Variants in RAD54L2 observed in about 807,000 individuals in gnomAD.
RAD54L2 encodes the protein RAD54 like 2, also known as helicase ARIP4.
Under a neutral mutation model 138.4 loss-of-function variants are expected in RAD54L2, and 27 were observed. The ratio of observed to expected loss-of-function variants is 0.20; its 90% confidence interval spans 0.14 to 0.27. The LOEUF (loss-of-function observed/expected upper bound fraction) is 0.27. Among genes scored for constraint, RAD54L2 ranks in the 10% least tolerant of loss-of-function variants. The probability of loss-of-function intolerance (pLI) is 1.00; values close to 1 mark genes in which losing one functional copy is unlikely to be tolerated. For synonymous variants in RAD54L2, 644 were observed against 723.2 expected, an observed-to-expected ratio of 0.89 and a Z score of 1.76; for missense variants, 1,396 against 1,890.2, an observed-to-expected ratio of 0.74 and a Z score of 4.85.
At chr3:51,595,350 G>A (rs185782241) in intron 3 of RAD54L2, among the ~76,000 whole-genome samples, 228 of 152,284 alleles carry the variant, frequency 1.5e-3, no homozygotes, top group Admixed American at 3.0e-3. Context: ...GGAGTAAATG[G>A]TCAGACTTGT....
At chr3:51,625,677 A>G (rs1240796124) in intron 3 of RAD54L2, among the ~76,000 whole-genome samples, 1 of 151,800 alleles carries the variant, frequency 6.6e-6, no homozygotes, top group Non-Finnish European at 1.5e-5. Context: ...TGGCCAACAT[A>G]TCGAGACCTT....
intron 2 of RAD54L2, among the ~76,000 whole-genome samples, chr3:51,573,288 G>C (rs1478226829): frequency 6.6e-6 from 1 of 152,062 alleles, no homozygotes; most frequent in African/African-American, 2.4e-5. Flanking sequence ...TTCCTGCTGT[G>C]CTCAGAGGAA....
chr3:51,596,919 C>T (rs111603101), intron 3 of RAD54L2, among the ~76,000 whole-genome samples: 2 of 152,334 alleles, frequency 1.3e-5, no homozygotes, highest in African/African-American at 4.8e-5. Flanking sequence ...AATCCCAACA[C>T]TTTGGGAGGC....
chr3:51,547,545 G>A (rs982916660), intron 2 of RAD54L2, among the ~76,000 whole-genome samples: 7 of 151,010 alleles, frequency 4.6e-5, no homozygotes, highest in Non-Finnish European at 7.4e-5. Flanking sequence ...CATACTTTGC[G>A]TATGTATGAT....
intron 15 of RAD54L2, among the ~76,000 whole-genome samples, chr3:51,643,666 A>G (rs1342516586): frequency 6.6e-6 from 1 of 152,210 alleles, no homozygotes; most frequent in Non-Finnish European, 1.5e-5. Flanking sequence ...TTTATAATCC[A>G]TGGTGCATGT....
chr3:51,611,963 A>G (rs999440855), intron 3 of RAD54L2, among the ~76,000 whole-genome samples: 4 of 152,038 alleles, frequency 2.6e-5, no homozygotes, highest in African/African-American at 7.2e-5. Context: ...CCCATCCTTA[A>G]TGTGTGGTGA....
Position 51,630,758 on chromosome 3 carries a change from A to T in RAD54L2, c.652A>T (p.Ser218Cys). The change falls in exon 7 of 23, where the codon AGT becomes TGT. Residue 218 changes from serine (S) to cysteine (C), a missense_variant. Transcript: ENST00000684192. ...EEDTLHIVDS[S>C]ESVSEDDEEE... is the part of the protein sequence containing the mutation. The stretch of plus-strand genomic sequence containing the variant: ...GGACACTCTGCACATTGTGGACAGC[A>T]GTGAATCTGTCAGTGAAGATGATGA... The T allele has an allele frequency of 6.2e-7, 1 of 1,614,040 alleles. No homozygotes were observed. Among genetic ancestry groups the T allele is most frequent in the Non-Finnish European group, 8.5e-7 (1 of 1,179,874 alleles).
Position 51,645,578 on chromosome 3 carries a change from T to A in RAD54L2, c.2657-13T>A. The stretch of plus-strand genomic sequence containing the variant: ...GCCATGTGCTGACTTTCTTCATGTC[T>A]TTATCCTTCTAGATCGGGTGGTGGA... On this transcript the variant is annotated splice_polypyrimidine_tract_variant and intron_variant, in intron 17 of 22. Transcript: ENST00000684192. The surrounding 1 kb of genome is among the most constrained non-coding windows in gnomAD (Gnocchi z 6.1). The A allele has an allele frequency of 1.9e-6, 3 of 1,601,974 alleles. No individual in the cohort carries two copies. Among genetic ancestry groups the A allele is most frequent in the Non-Finnish European group, 2.6e-6 (3 of 1,174,266 alleles).
At chr3:51,551,545 C>T (rs1698837675) in intron 2 of RAD54L2, among the ~76,000 whole-genome samples, 1 of 151,460 alleles carries the variant, frequency 6.6e-6, no homozygotes, top group African/African-American at 2.4e-5. Context: ...AAGTGATTCT[C>T]GTTCCTCAGC....
chr3:51,548,720 C>T (rs1698760883), intron 2 of RAD54L2, among the ~76,000 whole-genome samples: 1 of 152,020 alleles, frequency 6.6e-6, no homozygotes, highest in Non-Finnish European at 1.5e-5. Context: ...TGACAGTCAC[C>T]CCTTATTTCA....
chr3:51,575,888 G>A (rs1699470013), intron 2 of RAD54L2, among the ~76,000 whole-genome samples: 1 of 152,096 alleles, frequency 6.6e-6, no homozygotes, highest in South Asian at 2.1e-4. Context: ...CACTATGTTG[G>A]ATAGGAGTGG....
chr3:51,602,812 T>C (rs1700105512), intron 3 of RAD54L2, among the ~76,000 whole-genome samples: 1 of 152,118 alleles, frequency 6.6e-6, no homozygotes, highest in Non-Finnish European at 1.5e-5. Context: ...GGTAAACAAG[T>C]ATATAAACAA....
chr3:51,645,348 TTCC>T lies in RAD54L2; in HGVS notation c.2656+124_2656+126del. ...AGGCAGGCTTCGAGAAAGCCAGCATTTCCTCCTATCTCATTCTGATTCAAATTG... is the reference window on the plus strand; with the variant it reads ...AGGCAGGCTTCGAGAAAGCCAGCATTTCCTATCTCATTCTGATTCAAATTG... On this transcript the variant is annotated intron_variant, in intron 17 of 22. Transcript: ENST00000684192. The surrounding 1 kb of genome is among the most constrained non-coding windows in gnomAD (Gnocchi z 6.1). 4 of 1,119,676 alleles carry T rather than the reference TTCC, an allele frequency of 3.6e-6. No individual in the cohort carries two copies. Among genetic ancestry groups the T allele is most frequent in the Non-Finnish European group, 5.1e-6 (4 of 779,246 alleles). 69.4% of individuals were successfully genotyped at this position (1,119,676 alleles called of 1,614,324 possible).
At chr3:51,649,685 T>A (rs1701378815) in intron 19 of RAD54L2, among the ~76,000 whole-genome samples, 1 of 152,156 alleles carries the variant, frequency 6.6e-6, no homozygotes, top group Non-Finnish European at 1.5e-5. Flanking sequence ...GAATTTCATA[T>A]CCAGCCAAAC....
At chr3:51,651,949 A>G (rs1296728673) in intron 19 of RAD54L2, among the ~76,000 whole-genome samples, 2 of 152,204 alleles carry the variant, frequency 1.3e-5, no homozygotes, top group East Asian at 3.8e-4. Flanking sequence ...CAATCAGGCC[A>G]GAGAAAGAAA....
chr3:51,631,055 C>T, intron 7 of RAD54L2, 124 bp downstream of exon 7: 4 of 976,690 alleles, frequency 4.1e-6, no homozygotes. Context: ...GCAGCTTGTT[C>T]AGCTGTTGGA....
chr3:51,604,353 T>G (rs757689168), intron 3 of RAD54L2, among the ~76,000 whole-genome samples: 1 of 152,194 alleles, frequency 6.6e-6, no homozygotes, highest in African/African-American at 2.4e-5. Flanking sequence ...AGTATGGTTA[T>G]CTAATTTATC....
At chr3:51,562,215 T>TA (rs2106640520) in intron 2 of RAD54L2, among the ~76,000 whole-genome samples, 1 of 151,388 alleles carries the variant, frequency 6.6e-6, no homozygotes, top group South Asian at 2.1e-4. Flanking sequence ...TTTGTATTTT[T>TA]ATTCTTTAAA....
At chr3:51,599,047 C>T (rs1559631111) in intron 3 of RAD54L2, among the ~76,000 whole-genome samples, 2 of 152,146 alleles carry the variant, frequency 1.3e-5, no homozygotes, top group African/African-American at 4.8e-5. Context: ...TGTGACTGAG[C>T]ACTTAAATGG....
Sources: gnomAD v4.1 joint callset for allele counts (sites outside exome capture counted in the v4.1 genomes callset) on GRCh38, gnomAD v4.1.1 for gene constraint, Gnocchi (gnomAD v3.1) non-coding constraint, MANE v1.5 for transcripts, NCBI Gene and HGNC (gene_info 2026-07-23, HGNC 2026-07-21) for gene names.